Variants in DLG2 observed in about 807,000 individuals in gnomAD.
DLG2 encodes the protein disks large homolog 2.
A neutral mutation model predicts 132.5 loss-of-function variants in DLG2; 45 were observed. The observed-to-expected ratio is 0.34, with a 90% confidence interval of 0.27 to 0.44. DLG2 has a LOEUF of 0.44. DLG2 is among the 20% of genes least tolerant of loss of function. The probability of loss-of-function intolerance (pLI) is 1.00; values close to 1 mark genes in which losing one functional copy is unlikely to be tolerated. For synonymous variants in DLG2, 424 were observed against 419.6 expected, an observed-to-expected ratio of 1.01 and a Z score of -0.13; for missense variants, 1,045 against 1,196.9, an observed-to-expected ratio of 0.87 and a Z score of 1.87.
chr11:83,803,643 T>G (rs974341957), intron 17 of DLG2, among the ~76,000 whole-genome samples: 1 of 152,196 alleles, frequency 6.6e-6, no homozygotes, highest in African/African-American at 2.4e-5. Flanking sequence ...TCCTATAATA[T>G]TCACTAATTT....
chr11:85,184,131 T>A (rs1256561773), intron 4 of DLG2, among the ~76,000 whole-genome samples: 5 of 151,898 alleles, frequency 3.3e-5, no homozygotes, highest in African/African-American at 1.2e-4. Context: ...TCAACATAGC[T>A]TGTTCAGATT....
chr11:84,493,500 T>C (rs553436582), intron 7 of DLG2, among the ~76,000 whole-genome samples: 1 of 152,124 alleles, frequency 6.6e-6, no homozygotes, highest in Non-Finnish European at 1.5e-5. Flanking sequence ...GCTCCTATTT[T>C]GGGAGCATTT....
At chr11:83,949,733 T>C (rs190456384) in intron 14 of DLG2, among the ~76,000 whole-genome samples, 1 of 152,326 alleles carries the variant, frequency 6.6e-6, no homozygotes, top group East Asian at 1.9e-4. Context: ...TTTTGACTAA[T>C]ATCTTCGTGT....
At chr11:84,585,803 T>G (rs2099528304) in intron 6 of DLG2, among the ~76,000 whole-genome samples, 1 of 152,244 alleles carries the variant, frequency 6.6e-6, no homozygotes. Context: ...GAAATAGCAG[T>G]GCCTTGTTTA....
At chr11:85,485,683 G>A (rs938729970) in intron 3 of DLG2, among the ~76,000 whole-genome samples, 12 of 152,248 alleles carry the variant, frequency 7.9e-5, no homozygotes, top group Non-Finnish European at 1.2e-4. Flanking sequence ...CACTCTCACC[G>A]CAGGCTTTTG....
chr11:85,313,369 GA>G (rs2080437266), intron 3 of DLG2, among the ~76,000 whole-genome samples: 1 of 151,876 alleles, frequency 6.6e-6, no homozygotes, highest in Admixed American at 6.6e-5. Context: ...ACATAAACAA[GA>G]AATAAATCCT....
At chr11:83,504,497 C>G (rs114215942) in intron 21 of DLG2, among the ~76,000 whole-genome samples, 1,909 of 152,302 alleles carry the variant, frequency 0.013, 33 homozygotes, top group African/African-American at 0.043. Context: ...CCAGCCAACA[C>G]TGTAACTTCC....
At chr11:85,020,542 A>G (rs1170980210) in intron 6 of DLG2, among the ~76,000 whole-genome samples, 1 of 152,142 alleles carries the variant, frequency 6.6e-6, no homozygotes, top group Non-Finnish European at 1.5e-5. Context: ...GCCCATGCCT[A>G]TGTCCTGAAT....
rs143122070 is a variant in DLG2, at chr11:84,532,375, T to C, written c.519+2195A>G. On this transcript the variant is annotated intron_variant, in intron 7 of 27. Coordinates refer to ENST00000376104, the MANE Select transcript of DLG2 (RefSeq NM_001142699.3). The stretch of plus-strand genomic sequence containing the variant: ...TATTATCAATTCTAGTAGAAGGATA[T>C]AAAATGCTAGCCTTGATTATCCTAC... Among the ~76,000 whole-genome samples, 502 of 152,236 alleles carry C rather than the reference T, an allele frequency of 3.3e-3. 4 individuals carry two copies. Among genetic ancestry groups the C allele is most frequent in the African/African-American group, 0.011 (473 of 41,536 alleles).
intron 3 of DLG2, among the ~76,000 whole-genome samples, chr11:85,465,003 G>T (rs2092733849): frequency 7.2e-6 from 1 of 139,478 alleles, no homozygotes; most frequent in South Asian, 2.4e-4. Flanking sequence ...GAACCTAGGA[G>T]GTGGAGGTTG....
chr11:84,649,858 T>A (rs772226334), intron 6 of DLG2, among the ~76,000 whole-genome samples: 29 of 152,138 alleles, frequency 1.9e-4, no homozygotes, highest in Non-Finnish European at 2.9e-4. Context: ...ATTCTACCCT[T>A]CCATCAACAC....
chr11:84,865,029 A>G (rs1369445194), intron 6 of DLG2, among the ~76,000 whole-genome samples: 1 of 152,168 alleles, frequency 6.6e-6, no homozygotes, highest in Non-Finnish European at 1.5e-5. Context: ...AAATCTGACT[A>G]AAGATCTTTA....
chr11:84,131,293 A>G (rs984859198), intron 9 of DLG2, among the ~76,000 whole-genome samples: 15 of 152,006 alleles, frequency 9.9e-5, no homozygotes, highest in Non-Finnish European at 1.2e-4. Flanking sequence ...ATTGACGCCT[A>G]AGATAAAGTT....
At chr11:84,947,617 A>T (rs1318302419) in intron 6 of DLG2, among the ~76,000 whole-genome samples, 2 of 152,180 alleles carry the variant, frequency 1.3e-5, no homozygotes, top group African/African-American at 4.8e-5. Flanking sequence ...TGCCAAATCC[A>T]AGTGATGGTG....
intron 6 of DLG2, among the ~76,000 whole-genome samples, chr11:84,586,750 C>A (rs369727100): frequency 6.6e-6 from 1 of 151,942 alleles, no homozygotes; most frequent in African/African-American, 2.4e-5. Context: ...ACTAATTTGA[C>A]ATTTATACAC....
chr11:84,321,281 G>A lies in DLG2; in HGVS notation c.520-69990C>T, dbSNP rs192448372. ...ATTTCTGTGTAGAACTGGTGAAACA[G>A]CTTTCTAACTGGTCTCTCGCATACA... On this transcript the variant is annotated intron_variant, in intron 7 of 27. Coordinates refer to ENST00000376104, the MANE Select transcript of DLG2 (RefSeq NM_001142699.3). 1.0e-3 allele frequency among the ~76,000 whole-genome samples: 154 copies of A among 151,804 alleles called. 1 individual carries two copies. The highest frequency in any genetic ancestry group is 3.6e-3 in the African/African-American group (147 of 41,352).
At chr11:85,500,970 T>G (rs2093787440) in intron 3 of DLG2, among the ~76,000 whole-genome samples, 1 of 152,034 alleles carries the variant, frequency 6.6e-6, no homozygotes, top group African/African-American at 2.4e-5. Flanking sequence ...AGACAATCCT[T>G]GGCAGGAAGA....
chr11:84,897,107 G>C (rs1015644501), intron 6 of DLG2, among the ~76,000 whole-genome samples: 10 of 151,044 alleles, frequency 6.6e-5, no homozygotes, highest in African/African-American at 2.4e-4. Flanking sequence ...AATATTTTTT[G>C]TTAATCATTC....
At chr11:83,552,296 T>A (rs2096410696) in intron 19 of DLG2, among the ~76,000 whole-genome samples, 1 of 152,044 alleles carries the variant, frequency 6.6e-6, no homozygotes, top group Admixed American at 6.6e-5. Flanking sequence ...TAGGACTCGC[T>A]GAAAAAGAGA....
Sources: allele counts gnomAD v4.1 joint callset (sites outside exome capture counted in the v4.1 genomes callset), GRCh38; gene constraint gnomAD v4.1.1; transcripts MANE v1.5; gene names NCBI Gene and HGNC (gene_info 2026-07-23, HGNC 2026-07-21).